The following CFHR5 variants were observed in gnomAD, a reference collection of about 807,000 sequenced individuals.
CFHR5 encodes the protein complement factor H related 5, also known as complement factor H-related protein 5.
Under a neutral mutation model 62.9 loss-of-function variants are expected in CFHR5, and 73 were observed. The observed-to-expected ratio is 1.16, with a 90% CI of 0.96 to 1.41. The LOEUF (loss-of-function observed/expected upper bound fraction) is 1.41, where lower values mean the gene tolerates loss of function less well. CFHR5 is among the 40% of genes most tolerant of loss of function. The pLI, the probability that CFHR5 is intolerant of heterozygous loss-of-function variation, is 0.00. For synonymous variants in CFHR5, 249 were observed against 227.2 expected, an observed-to-expected ratio of 1.10 and a Z score of -0.86; for missense variants, 779 against 679.9, an observed-to-expected ratio of 1.15 and a Z score of -1.62.
chr1:196,993,128 A>C (rs1184534649), intron 3 of CFHR5, among the ~76,000 whole-genome samples: 1 of 152,174 alleles, frequency 6.6e-6, no homozygotes, highest in East Asian at 1.9e-4. Context: ...AGTTTTTACA[A>C]ACATATTAGT....
chr1:196,979,641 G>A (rs151313646), intron 1 of CFHR5, among the ~76,000 whole-genome samples: 207 of 152,154 alleles, frequency 1.4e-3, no homozygotes, highest in African/African-American at 4.7e-3. Context: ...CTGAGTGAGT[G>A]GTGTGCAAAT....
At chr1:196,991,581 C>T (rs549334982) in intron 3 of CFHR5, among the ~76,000 whole-genome samples, 1 of 152,250 alleles carries the variant, frequency 6.6e-6, no homozygotes, top group East Asian at 1.9e-4. Context: ...GATGTTGATG[C>T]TATTTCTTTC....
chr1:196,988,550 A>G (rs113117494), intron 3 of CFHR5, among the ~76,000 whole-genome samples: 30,544 of 152,046 alleles, frequency 0.2, 3,269 homozygotes, highest in Middle Eastern at 0.34. Context: ...TTCCATCAAT[A>G]CCTAGTTTAC....
At chr1:196,997,081 C>T (rs1654011850) in intron 6 of CFHR5, among the ~76,000 whole-genome samples, 2 of 152,012 alleles carry the variant, frequency 1.3e-5, no homozygotes, top group African/African-American at 4.8e-5. Context: ...GCAGACTTTC[C>T]GCCGCTGTTC....
At chr1:197,006,147 A>G (rs1047278752) in intron 9 of CFHR5, among the ~76,000 whole-genome samples, 9 of 152,310 alleles carry the variant, frequency 5.9e-5, no homozygotes, top group South Asian at 2.1e-4. Context: ...TGATCATAAA[A>G]TAAATTTCCA....
intron 3 of CFHR5, among the ~76,000 whole-genome samples, chr1:196,984,506 T>C (rs1320767693): frequency 6.6e-6 from 1 of 152,216 alleles, no homozygotes; most frequent in East Asian, 1.9e-4. Flanking sequence ...TTAATATTTA[T>C]CTTTATTTAA....
chr1:197,007,456 A>G (rs1240711214), intron 9 of CFHR5, among the ~76,000 whole-genome samples: 1 of 152,038 alleles, frequency 6.6e-6, no homozygotes, highest in Non-Finnish European at 1.5e-5. Flanking sequence ...CTACACGAAC[A>G]TAAAATTTCA....
In CFHR5 at chr1:196,998,285, T is replaced by C; in HGVS notation, c.1128T>C (p.Asn376=). Residue 376 remains asparagine (N), a synonymous_variant, in exon 7 of 10, where the codon AAT becomes AAC. Transcript: ENST00000256785. ...CAGTCTGTATAAACGGGAAATGGAA[T>C]CCTGAAGTAGACTGCACAGGTAAGA... The part of the protein sequence containing the change: ...RHSVCINGKW[N]PEVDCTEKRE... 1 of 1,611,348 alleles carries C rather than the reference T, an allele frequency of 6.2e-7. No individual in the cohort carries two copies. The highest frequency in any genetic ancestry group is 1.7e-5 in the Admixed American group (1 of 59,890).
upstream of CFHR5, among the ~76,000 whole-genome samples, chr1:196,976,755 T>C (rs946822283): frequency 1.2e-4 from 18 of 151,966 alleles, no homozygotes; most frequent in Non-Finnish European, 1.6e-4. Context: ...ATTATAATTC[T>C]GTTCTTCAAA....
rs115528599 is a variant in CFHR5, at chr1:196,982,679, A to G, written c.59-206A>G. ...GAGTAAAACCTGAAACTCCCTCTCA[A>G]AAAAAAAAAGATCTCCTCAAATACT... On this transcript the variant is annotated intron_variant, in intron 1 of 9. Transcript: ENST00000256785. 7.8e-3 allele frequency among the ~76,000 whole-genome samples: 1,173 copies of G among 149,892 alleles called. 15 individuals are homozygous for G. The highest frequency in any genetic ancestry group is 0.025 in the African/African-American group (1,021 of 41,174).
At chr1:197,002,435 T>C in intron 7 of CFHR5, 47 bp from the exon 8 acceptor site, 1 of 1,479,602 alleles carries the variant, frequency 6.8e-7, no homozygotes. Context: ...TGAGCTGTTT[T>C]TACTTAACTT....
chr1:197,004,639 A>G, intron 8 of CFHR5, 22 bp from the exon 9 acceptor site: 1 of 1,598,236 alleles, frequency 6.3e-7, no homozygotes, highest in African/African-American at 1.3e-5. Context: ...TAATGTCTCA[A>G]CAAATAAATG....
rs1571514809 is a variant in CFHR5, at chr1:196,986,486, A to G, written c.430+2349A>G. Among the ~76,000 whole-genome samples the G allele has an allele frequency of 2.0e-5, 3 of 151,990 alleles. No individual in the cohort carries two copies. The South Asian group carries it at 6.2e-4, about 32-fold the overall frequency. On this transcript the variant is annotated intron_variant, in intron 3 of 9. Coordinates refer to ENST00000256785, the MANE Select transcript of CFHR5 (RefSeq NM_030787.4). ...CTGCACCCATTAACTCGTGATTTACATTATGTATTTTGCCTAATGCTACCC... is the reference window on the plus strand; with the variant it reads ...CTGCACCCATTAACTCGTGATTTACGTTATGTATTTTGCCTAATGCTACCC...
At chr1:197,008,401 A>G in intron 9 of CFHR5, 86 bp from the exon 10 acceptor site, 1 of 715,302 alleles carries the variant, frequency 1.4e-6, no homozygotes, top group Non-Finnish European at 2.1e-6. Context: ...TAATTCCAAA[A>G]TATTCTTAAA....
At chr1:197,001,381 C>T (rs16840946) in intron 7 of CFHR5, among the ~76,000 whole-genome samples, 1 of 151,922 alleles carries the variant, frequency 6.6e-6, no homozygotes, top group Non-Finnish European at 1.5e-5. Context: ...AGGTTCTGTT[C>T]AAATAATTTA....
intron 9 of CFHR5, among the ~76,000 whole-genome samples, chr1:197,005,632 A>C (rs1378092080): frequency 6.6e-6 from 1 of 152,146 alleles, no homozygotes. Context: ...TTTACTCTAT[A>C]ATAAGTGGAA....
intron 1 of CFHR5, among the ~76,000 whole-genome samples, chr1:196,980,138 G>C (rs546827494): frequency 6.6e-6 from 1 of 152,154 alleles, no homozygotes; most frequent in Non-Finnish European, 1.5e-5. Context: ...TGTTCCACTA[G>C]AAGGTCTTTA....
At chr1:196,986,158 AT>A (rs1653675977) in intron 3 of CFHR5, among the ~76,000 whole-genome samples, 1 of 152,152 alleles carries the variant, frequency 6.6e-6, no homozygotes, top group Non-Finnish European at 1.5e-5. Context: ...TGGAAAGTTA[AT>A]AAAGTTTCAG....
intron 6 of CFHR5, among the ~76,000 whole-genome samples, chr1:196,997,023 T>C (rs573036512): frequency 6.6e-6 from 1 of 152,218 alleles, no homozygotes; most frequent in African/African-American, 2.4e-5. Context: ...GTCCTATCTC[T>C]AGCAACCTCA....
Sources: allele counts gnomAD v4.1 joint callset (sites outside exome capture counted in the v4.1 genomes callset), GRCh38; gene constraint gnomAD v4.1.1; transcripts MANE v1.5; gene names NCBI Gene and HGNC (gene_info 2026-07-23, HGNC 2026-07-21).